The following CSMD1 variants were observed in gnomAD, a reference collection of about 807,000 sequenced individuals.
CSMD1 encodes CUB and Sushi multiple domains 1.
In CSMD1, 213 loss-of-function variants were observed where a neutral mutation model predicts 417.5. The observed-to-expected ratio is 0.51, with a 90% confidence interval of 0.46 to 0.57. The LOEUF (loss-of-function observed/expected upper bound fraction) is 0.57, where lower values mean the gene tolerates loss of function less well. CSMD1 is among the 20% of genes least tolerant of loss of function. The pLI is 0.00. For missense variants in CSMD1, 6,923 were observed against 4,529.7 expected, an observed-to-expected ratio of 1.53 and a Z score of -15.17; for synonymous variants, 2,862 against 1,736.8, an observed-to-expected ratio of 1.65 and a Z score of -16.11.
intron 1 of CSMD1, among the ~76,000 whole-genome samples, chr8:4,720,169 CATAT>C (rs10611609): frequency 8.7e-5 from 13 of 148,934 alleles, no homozygotes; most frequent in South Asian, 2.1e-4. Flanking sequence ...ATACATATAA[CATAT>C]ATATATATAT....
At chr8:4,177,351 C>A (rs2552100) in intron 3 of CSMD1, among the ~76,000 whole-genome samples, 149,463 of 152,154 alleles carry the variant, frequency 0.98, 73,463 homozygotes, top group Middle Eastern at 1. Flanking sequence ...AACGAAATGA[C>A]GGCAGAAATA....
At chr8:4,761,908 T>TATCA (rs371204271) in intron 1 of CSMD1, among the ~76,000 whole-genome samples, 2 of 97,214 alleles carry the variant, frequency 2.1e-5, no homozygotes, top group African/African-American at 3.9e-5. Context: ...TCTATCTATC[T>TATCA]ATCAATCTAT....
chr8:4,264,340 A>C (rs779104), intron 3 of CSMD1, among the ~76,000 whole-genome samples: 1 of 152,178 alleles, frequency 6.6e-6, no homozygotes, highest in Non-Finnish European at 1.5e-5. Context: ...AAAAATACTC[A>C]TTCAGAATAA....
chr8:4,633,449 C>T (rs1802652205), intron 2 of CSMD1, among the ~76,000 whole-genome samples: 1 of 151,968 alleles, frequency 6.6e-6, no homozygotes, highest in Non-Finnish European at 1.5e-5. Flanking sequence ...TGGGGTTTCA[C>T]CGTGTTAGCC....
chr8:3,399,293 A>C (rs1811890753), intron 16 of CSMD1, 98 bp downstream of exon 16: 6 of 1,227,120 alleles, frequency 4.9e-6, no homozygotes, highest in Non-Finnish European at 6.7e-6. Flanking sequence ...CGGGAACCGA[A>C]AAAAACTGCC....
intron 5 of CSMD1, among the ~76,000 whole-genome samples, chr8:3,983,366 G>C (rs1326582193): frequency 6.6e-6 from 1 of 151,950 alleles, no homozygotes; most frequent in Non-Finnish European, 1.5e-5. Context: ...TCCTGACCTC[G>C]TGATCCCTCT....
intron 7 of CSMD1, among the ~76,000 whole-genome samples, chr8:3,660,045 T>C (rs1174861632): frequency 1.3e-5 from 2 of 152,354 alleles, no homozygotes; most frequent in East Asian, 1.9e-4. Context: ...ACTGTCCCTG[T>C]GTTCAGCAAC....
At chr8:3,323,131 C>T (rs769574220) in intron 23 of CSMD1, among the ~76,000 whole-genome samples, 1 of 152,134 alleles carries the variant, frequency 6.6e-6, no homozygotes, top group African/African-American at 2.4e-5. Context: ...TTTTGTCTAA[C>T]ATTGTCTTAT....
chr8:4,811,265 A>G (rs1467875171), intron 1 of CSMD1, among the ~76,000 whole-genome samples: 2 of 152,204 alleles, frequency 1.3e-5, no homozygotes, highest in Admixed American at 1.3e-4. Context: ...ATTTCAATTT[A>G]ACCTGCTTAA....
intron 41 of CSMD1, among the ~76,000 whole-genome samples, chr8:3,139,248 G>C (rs1818292811): frequency 6.6e-6 from 1 of 152,186 alleles, no homozygotes; most frequent in Non-Finnish European, 1.5e-5. Context: ...CATGGGCTTT[G>C]AATCCAGGAG....
At chr8:3,387,798 T>C (rs190576708) in intron 17 of CSMD1, 116 bp from the exon 18 acceptor site, 53 of 837,820 alleles carry the variant, frequency 6.3e-5, no homozygotes, top group Middle Eastern at 2.9e-4. Context: ...TGAAACATTA[T>C]GCAAGTGAAC....
At chr8:4,045,650 T>C (rs1322072315) in intron 3 of CSMD1, among the ~76,000 whole-genome samples, 1 of 152,168 alleles carries the variant, frequency 6.6e-6, no homozygotes, top group Admixed American at 6.5e-5. Flanking sequence ...CTTGACAAGA[T>C]GGATTGTAGT....
At chr8:3,705,621 G>T (rs182006085) in intron 7 of CSMD1, among the ~76,000 whole-genome samples, 176 of 152,306 alleles carry the variant, frequency 1.2e-3, no homozygotes, top group African/African-American at 4.1e-3. Context: ...GGGGGCTGTG[G>T]AACAAGAGCT....
At chr8:3,392,250 T>C (rs556371703) in intron 17 of CSMD1, among the ~76,000 whole-genome samples, 1 of 151,996 alleles carries the variant, frequency 6.6e-6, no homozygotes, top group South Asian at 2.1e-4. Context: ...AAACTTAAAG[T>C]ATAATAAAAA....
chr8:3,283,268 A>G (rs1802877734), intron 26 of CSMD1, among the ~76,000 whole-genome samples: 3 of 152,258 alleles, frequency 2.0e-5, no homozygotes, highest in South Asian at 4.2e-4. Flanking sequence ...TTGTTTGCAG[A>G]GAGACTTCAT....
chr8:4,167,640 T>G (rs1374664904), intron 3 of CSMD1, among the ~76,000 whole-genome samples: 1 of 152,180 alleles, frequency 6.6e-6, no homozygotes, highest in Non-Finnish European at 1.5e-5. Flanking sequence ...TCCATCTGTT[T>G]GGAAGATACA....
intron 3 of CSMD1, among the ~76,000 whole-genome samples, chr8:4,225,674 C>T (rs1457157436): frequency 6.6e-6 from 1 of 152,012 alleles, no homozygotes; most frequent in East Asian, 1.9e-4. Flanking sequence ...AGTGGTGATG[C>T]CTTAGGAAAC....
intron 2 of CSMD1, among the ~76,000 whole-genome samples, chr8:4,469,630 G>C (rs1800406610): frequency 2.0e-5 from 3 of 152,050 alleles, no homozygotes; most frequent in Non-Finnish European, 1.5e-5. Flanking sequence ...CCCTAATGTA[G>C]CTTAGAGGCC....
At chr8:3,313,894 G>T (rs1171883626) in intron 23 of CSMD1, among the ~76,000 whole-genome samples, 3 of 152,144 alleles carry the variant, frequency 2.0e-5, no homozygotes, top group African/African-American at 7.2e-5. Context: ...TGATAGACTG[G>T]ATTAAGAAAA....
Sources: gnomAD v4.1 joint callset for allele counts (sites outside exome capture counted in the v4.1 genomes callset) on GRCh38, gnomAD v4.1.1 for gene constraint, MANE v1.5 for transcripts, NCBI Gene and HGNC (gene_info 2026-07-23, HGNC 2026-07-21) for gene names.